Variants in MYO18B observed in about 807,000 individuals in gnomAD.
MYO18B encodes myosin XVIIIB, also known as unconventional myosin-XVIIIb.
Under a neutral mutation model 273.0 loss-of-function variants are expected in MYO18B, and 204 were observed. That is an observed-to-expected ratio of 0.75 (90% CI 0.67 to 0.84). MYO18B has a LOEUF of 0.84. Ranked by LOEUF, MYO18B falls within the 40% of genes least tolerant of loss-of-function variation. The probability of loss-of-function intolerance (pLI) is 0.00; values close to 1 mark genes in which losing one functional copy is unlikely to be tolerated. For missense variants in MYO18B, 3,212 were observed against 3,287.6 expected (o/e 0.98, Z 0.56); for synonymous variants, 1,330 against 1,305.7 (o/e 1.02, Z -0.40).
intron 11 of MYO18B, among the ~76,000 whole-genome samples, chr22:25,794,222 G>T (rs967751652): frequency 3.4e-5 from 5 of 146,132 alleles, no homozygotes; most frequent in African/African-American, 1.3e-4. Flanking sequence ...GTGAGCCACC[G>T]CACCTGGCCT....
At chr22:25,882,936 G>A (rs969826305) in intron 25 of MYO18B, among the ~76,000 whole-genome samples, 1 of 151,836 alleles carries the variant, frequency 6.6e-6, no homozygotes, top group East Asian at 1.9e-4. Context: ...TCCCTCTTTT[G>A]CCCAGGCTGG....
intron 3 of MYO18B, among the ~76,000 whole-genome samples, chr22:25,766,643 C>A (rs374604198): frequency 3.6e-4 from 55 of 152,258 alleles, no homozygotes; most frequent in African/African-American, 1.3e-3. Flanking sequence ...AAAGGGCACG[C>A]CAGGCAGCAA....
At chr22:25,847,800 T>C (rs1224002177) in intron 20 of MYO18B, 148 bp downstream of exon 20, 2 of 630,844 alleles carry the variant, frequency 3.2e-6, no homozygotes, top group East Asian at 5.5e-5. Flanking sequence ...TCTTCTGAGA[T>C]GAGGCCACTG....
Position 25,979,966 on chromosome 22 carries a change from G to A in MYO18B, c.6157-12397G>A, listed in dbSNP as rs939203939. On this transcript the variant is annotated intron_variant, in intron 39 of 43. Coordinates refer to ENST00000335473, the MANE Select transcript of MYO18B (RefSeq NM_032608.7). ...CACCATTGAAGCTCCAGTCCCTGGCGCTATGATTACTGAAGTAGCTGGAAT... is the reference window on the plus strand; with the variant it reads ...CACCATTGAAGCTCCAGTCCCTGGCACTATGATTACTGAAGTAGCTGGAAT... 2.0e-5 allele frequency among the ~76,000 whole-genome samples: 3 copies of A among 152,218 alleles called. No homozygotes were observed. In the East Asian group the frequency reaches 5.8e-4, roughly 29 times the overall value.
chr22:25,844,278 C>T (rs1258749720), intron 18 of MYO18B, among the ~76,000 whole-genome samples: 1 of 152,204 alleles, frequency 6.6e-6, no homozygotes, highest in Non-Finnish European at 1.5e-5. Context: ...AAAAAGCTCA[C>T]CATGTTCCCT....
chr22:25,824,920 T>TCACGCACATGAA (rs1555903978), intron 13 of MYO18B, among the ~76,000 whole-genome samples: 1 of 151,536 alleles, frequency 6.6e-6, no homozygotes, highest in Middle Eastern at 3.2e-3. Flanking sequence ...TACCACGGAA[T>TCACGCACATGAA]CACACACATG....
intron 3 of MYO18B, 43 bp downstream of exon 3, chr22:25,763,432 C>T (rs766593234): frequency 1.9e-6 from 3 of 1,578,588 alleles, no homozygotes; most frequent in East Asian, 2.2e-5. Flanking sequence ...GTTTCCATAC[C>T]CATCATTCTG....
chr22:25,898,325 G>T lies in MYO18B; in HGVS notation c.4687G>T (p.Ala1563Ser), dbSNP rs1374231129. ...LEQKLGELQS[A>S]YDGAKKMAHQ... is the part of the protein sequence containing the mutation. ...CTTACAGCTTGGGGAGTTGCAAAGT[G>T]CTTATGACGGGGCCAAGAAGATGGC... The change falls in exon 29 of 44, where the codon GCT becomes TCT. Residue 1563 changes from alanine to serine, a missense_variant. By Grantham distance (99) the Ala-to-Ser change is moderately conservative. Coordinates refer to ENST00000335473, the MANE Select transcript of MYO18B (RefSeq NM_032608.7). The T allele has an allele frequency of 1.2e-6, 2 of 1,613,782 alleles. No homozygotes were observed. The highest frequency in any genetic ancestry group is 4.5e-5 in the East Asian group (2 of 44,876).
intron 17 of MYO18B, among the ~76,000 whole-genome samples, chr22:25,841,795 C>T (rs1386712921): frequency 6.6e-6 from 1 of 152,230 alleles, no homozygotes; most frequent in African/African-American, 2.4e-5. Context: ...TCAACCAGTC[C>T]CTGCTCTCCA....
the MYO18B span, among the ~76,000 whole-genome samples, chr22:26,051,424 C>T: frequency 1.3e-5 from 2 of 151,868 alleles, no homozygotes; most frequent in African/African-American, 2.4e-5. Flanking sequence ...AGGGTTTCAT[C>T]GTGTTAACCA....
Position 25,947,716 on chromosome 22 carries a change from A to T in MYO18B, c.5636A>T (p.Asp1879Val). The change falls in exon 36 of 44, where the codon GAT becomes GTT. Residue 1879 changes from aspartate (D) to valine (V), a missense_variant. Physicochemically the swap from Asp to Val is radical, Grantham distance 152 (BLOSUM62 -3). Transcript: ENST00000335473. ...ENMTRNKSLV[D>V]EQLYRLQFEK... ...CCACTGATCTGCCTCCCCCAGGTGG[A>T]TGAGCAGCTGTACAGGCTGCAGTTT... The T allele has an allele frequency of 1.2e-6, 2 of 1,613,016 alleles. No homozygotes were observed. Among genetic ancestry groups the T allele is most frequent in the South Asian group, 2.2e-5 (2 of 90,934 alleles).
intron 11 of MYO18B, among the ~76,000 whole-genome samples, chr22:25,795,860 A>G (rs1601718672): frequency 6.6e-6 from 1 of 152,098 alleles, no homozygotes; most frequent in Non-Finnish European, 1.5e-5. Flanking sequence ...AGTGGAGGGG[A>G]CAAGTATCTT....
intron 11 of MYO18B, among the ~76,000 whole-genome samples, chr22:25,796,929 C>T (rs2087939621): frequency 6.6e-6 from 1 of 152,166 alleles, no homozygotes; most frequent in South Asian, 2.1e-4. Flanking sequence ...TGACCCACCT[C>T]CAAAAATAAC....
chr22:25,855,501 T>A (rs971281237), intron 21 of MYO18B, among the ~76,000 whole-genome samples: 8 of 152,152 alleles, frequency 5.3e-5, no homozygotes, highest in Non-Finnish European at 1.2e-4. Context: ...GCCAGGATGA[T>A]CTCGATCTGA....
At chr22:25,981,883 T>C (rs926305905) in intron 39 of MYO18B, among the ~76,000 whole-genome samples, 2 of 152,222 alleles carry the variant, frequency 1.3e-5, no homozygotes, top group Non-Finnish European at 2.9e-5. Context: ...TAGTCCGTTC[T>C]TGCATTGCTA....
rs958569697 is a variant in MYO18B at position 25,895,380 on chromosome 22, G to A, written c.4668+100G>A. The A allele has an allele frequency of 3.5e-6, 5 of 1,414,016 alleles. No individual in the cohort carries two copies. The African/African-American group carries it at 5.7e-5, about 16-fold the overall frequency. The allele number at this position is 1,414,016 out of a possible 1,614,324, so 87.6% of individuals were successfully genotyped here. On this transcript the variant is annotated intron_variant, in intron 28 of 43. Transcript: ENST00000335473. Reference sequence around the variant, plus strand: ...GAGGTATTAGCTGAGCCTGAAGAGGGAGGAAGAGGACACAAACCCCTTAAG... The same window carrying A: ...GAGGTATTAGCTGAGCCTGAAGAGGAAGGAAGAGGACACAAACCCCTTAAG...
chr22:25,798,534 G>A (rs1377966093), intron 12 of MYO18B, among the ~76,000 whole-genome samples: 5 of 152,208 alleles, frequency 3.3e-5, no homozygotes, highest in South Asian at 4.1e-4. Context: ...TTGGGTCTCT[G>A]CAGTAAAGGT....
intron 39 of MYO18B, among the ~76,000 whole-genome samples, chr22:25,983,901 C>T (rs1320232513): frequency 6.6e-6 from 1 of 152,214 alleles, no homozygotes; most frequent in African/African-American, 2.4e-5. Context: ...GCAGTGCCTT[C>T]CTGCTGTTGC....
intron 12 of MYO18B, among the ~76,000 whole-genome samples, chr22:25,800,762 G>A (rs1210149599): frequency 6.6e-6 from 1 of 152,046 alleles, no homozygotes; most frequent in Non-Finnish European, 1.5e-5. Flanking sequence ...TTTTATTCCT[G>A]AGTTTCTCCT....
Sources: allele counts gnomAD v4.1 joint callset (sites outside exome capture counted in the v4.1 genomes callset), GRCh38; gene constraint gnomAD v4.1.1; transcripts MANE v1.5; gene names NCBI Gene and HGNC (gene_info 2026-07-23, HGNC 2026-07-21).